The following CADM2 variants were observed in gnomAD, a reference collection of about 807,000 sequenced individuals.
The protein encoded by CADM2 is cell adhesion molecule 2.
CADM2 carries 12 observed loss-of-function variants against 49.8 expected under a neutral mutation model. The observed-to-expected ratio is 0.24, with a 90% CI of 0.15 to 0.39. CADM2 has a LOEUF of 0.39. CADM2 is among the 10% of genes least tolerant of loss of function. CADM2 has a pLI of 1.00. For synonymous variants in CADM2, 214 were observed against 175.4 expected, an observed-to-expected ratio of 1.22 and a Z score of -1.74; for missense variants, 378 against 492.3, an observed-to-expected ratio of 0.77 and a Z score of 2.20.
intron 5 of CADM2, among the ~76,000 whole-genome samples, chr3:85,892,802 A>T (rs1004266331): frequency 3.9e-5 from 6 of 152,210 alleles, no homozygotes; most frequent in Non-Finnish European, 7.3e-5. Flanking sequence ...ACTGGGTAAC[A>T]GGCAGAAAGA....
chr3:85,161,264 G>A (rs949563547), intron 1 of CADM2, among the ~76,000 whole-genome samples: 23 of 152,180 alleles, frequency 1.5e-4, no homozygotes, highest in African/African-American at 5.5e-4. Flanking sequence ...GAATTTTTGA[G>A]AACCTCAGTG....
chr3:85,050,139 T>C (rs944782843), intron 1 of CADM2, among the ~76,000 whole-genome samples: 1 of 152,088 alleles, frequency 6.6e-6, no homozygotes, highest in Non-Finnish European at 1.5e-5. Flanking sequence ...TATGTATTAG[T>C]GAACATTGCT....
rs557696954 is a variant in CADM2 at position 86,018,909 on chromosome 3, T to C, written c.971-46696T>C. ...AGATCACATTTGTCAATTTTGTCTT[T>C]TGTTGCCATTGCTTTTGGTGTTTTA... On this transcript the variant is annotated intron_variant, in intron 8 of 9. Coordinates refer to ENST00000383699, the MANE Select transcript of CADM2 (RefSeq NM_001167675.2). 4.3e-3 allele frequency among the ~76,000 whole-genome samples: 630 copies of C among 147,722 alleles called. 7 individuals are homozygous for C. Among genetic ancestry groups the C allele is most frequent in the Non-Finnish European group, 7.2e-3 (482 of 66,780 alleles).
chr3:84,996,173 G>T (rs555201436), intron 1 of CADM2, among the ~76,000 whole-genome samples: 1 of 152,048 alleles, frequency 6.6e-6, no homozygotes, highest in South Asian at 2.1e-4. Context: ...ATTTTTTAAA[G>T]TATTGAAAAT....
Position 85,828,310 on chromosome 3 carries a change from T to A in CADM2, c.238+26114T>A, listed in dbSNP as rs567664208. ...CTTCTTTGTACTTATATATGGCTCA[T>A]AGGAAAGGTAAGCATCTGTGTTCTA... On this transcript the variant is annotated intron_variant, in intron 3 of 9. Transcript: ENST00000383699. 2.0e-4 allele frequency among the ~76,000 whole-genome samples: 30 copies of A among 152,032 alleles called. No individual in the cohort carries two copies. The East Asian group carries it at 5.0e-3, about 26-fold the overall frequency.
intron 1 of CADM2, among the ~76,000 whole-genome samples, chr3:85,121,734 T>A (rs1278093449): frequency 6.6e-6 from 1 of 152,186 alleles, no homozygotes; most frequent in Non-Finnish European, 1.5e-5. Flanking sequence ...ATATTACCTA[T>A]CTTTGGACAA....
At chr3:85,130,178 A>G (rs1263677092) in intron 1 of CADM2, among the ~76,000 whole-genome samples, 1 of 152,234 alleles carries the variant, frequency 6.6e-6, no homozygotes, top group African/African-American at 2.4e-5. Flanking sequence ...CAGTAATTTT[A>G]TAAGTATAGA....
At chr3:85,484,221 T>A (rs901822595) in intron 1 of CADM2, among the ~76,000 whole-genome samples, 4 of 151,948 alleles carry the variant, frequency 2.6e-5, no homozygotes, top group African/African-American at 9.7e-5. Context: ...GATATTACCG[T>A]CCACCTAACA....
At chr3:85,449,052 A>AAATAATAATAATAATAATAAT (rs55971962) in intron 1 of CADM2, among the ~76,000 whole-genome samples, 7,095 of 107,294 alleles carry the variant, frequency 0.066, 245 homozygotes, top group African/African-American at 0.087. Context: ...TCCAACTCAA[A>AAATAATAATAATAATAATAAT]AATAATAATA....
intron 1 of CADM2, among the ~76,000 whole-genome samples, chr3:85,177,191 T>C (rs2040807530): frequency 6.6e-6 from 1 of 152,178 alleles, no homozygotes; most frequent in Non-Finnish European, 1.5e-5. Flanking sequence ...CATTCCCTTA[T>C]GCAAATCCAT....
chr3:85,264,003 C>T (rs1311440961), intron 1 of CADM2, among the ~76,000 whole-genome samples: 2 of 151,958 alleles, frequency 1.3e-5, no homozygotes, highest in African/African-American at 4.8e-5. Context: ...CTTATTTCTA[C>T]TTTATTCATA....
At chr3:85,596,421 C>CA (rs1218512987) in intron 1 of CADM2, among the ~76,000 whole-genome samples, 2 of 151,802 alleles carry the variant, frequency 1.3e-5, no homozygotes, top group Non-Finnish European at 1.5e-5. Flanking sequence ...GTAATAATTA[C>CA]AAAAAACAAA....
At chr3:86,020,687 G>A (rs9754907) in intron 8 of CADM2, among the ~76,000 whole-genome samples, 9 of 152,042 alleles carry the variant, frequency 5.9e-5, no homozygotes, top group South Asian at 2.1e-4. Flanking sequence ...TTCAATATAC[G>A]CAAATCAATA....
At chr3:85,190,791 G>A (rs1024464500) in intron 1 of CADM2, among the ~76,000 whole-genome samples, 2 of 152,030 alleles carry the variant, frequency 1.3e-5, no homozygotes, top group African/African-American at 4.8e-5. Flanking sequence ...CTTTCTTACC[G>A]AGTTCATAAG....
chr3:85,627,998 C>A (rs2064177257), intron 1 of CADM2, among the ~76,000 whole-genome samples: 1 of 152,028 alleles, frequency 6.6e-6, no homozygotes, highest in African/African-American at 2.4e-5. Context: ...CTTGCAAACA[C>A]TTCCCCAAGT....
chr3:85,510,911 T>G (rs1406263786), intron 1 of CADM2, among the ~76,000 whole-genome samples: 1 of 152,050 alleles, frequency 6.6e-6, no homozygotes, highest in African/African-American at 2.4e-5. Context: ...TAATGAGGGT[T>G]CATAAGCTCT....
chr3:85,923,537 C>CAAAAAAA (rs57230094), intron 6 of CADM2, among the ~76,000 whole-genome samples: 2 of 136,704 alleles, frequency 1.5e-5, no homozygotes, highest in East Asian at 2.1e-4. Flanking sequence ...ATCATGAAAG[C>CAAAAAAA]AAAAAAAAAA....
chr3:85,966,019 A>G (rs1290639242), intron 8 of CADM2, among the ~76,000 whole-genome samples: 1 of 151,662 alleles, frequency 6.6e-6, no homozygotes, highest in Non-Finnish European at 1.5e-5. Context: ...TTCCCTCTTA[A>G]CCTTCCCAGT....
At chr3:85,349,562 G>A (rs999615234) in intron 1 of CADM2, among the ~76,000 whole-genome samples, 4 of 151,870 alleles carry the variant, frequency 2.6e-5, no homozygotes, top group Admixed American at 6.6e-5. Flanking sequence ...GTTCCTATCC[G>A]GTTTTGAGAA....
Sources: allele counts gnomAD v4.1 joint callset (sites outside exome capture counted in the v4.1 genomes callset), GRCh38; gene constraint gnomAD v4.1.1; transcripts MANE v1.5; gene names NCBI Gene and HGNC (gene_info 2026-07-23, HGNC 2026-07-21).